Variants in DUSP13B observed in about 807,000 individuals in gnomAD.
The protein encoded by DUSP13B is dual specificity protein phosphatase 13B.
the DUSP13B span, among the ~76,000 whole-genome samples, chr10:75,096,656 G>T: frequency 6.6e-6 from 1 of 152,126 alleles, no homozygotes; most frequent in African/African-American, 2.4e-5. Flanking sequence ...GGCTGAGGTG[G>T]GAGAATTGCT....
At chr10:75,095,745 A>G in the DUSP13B span, 1 of 1,614,174 alleles carries the variant, frequency 6.2e-7, no homozygotes, top group Non-Finnish European at 8.5e-7. Flanking sequence ...GGCATTCACA[A>G]CGTGGGTGAT....
At chr10:75,101,775 C>G in the DUSP13B span, 1 of 866,248 alleles carries the variant, frequency 1.2e-6, no homozygotes. Flanking sequence ...AACCCCACCC[C>G]TCCCCACACA....
the DUSP13B span, chr10:75,108,135 A>C: frequency 6.2e-7 from 1 of 1,613,544 alleles, no homozygotes; most frequent in Non-Finnish European, 8.5e-7. Flanking sequence ...CTGACAGTAG[A>C]GGCCCTTGTG....
chr10:75,105,969 A>T, the DUSP13B span: 42 of 1,103,046 alleles, frequency 3.8e-5, no homozygotes, highest in South Asian at 6.3e-4. Context: ...CCTTGGGTGC[A>T]CTCTGTGATC....
At chr10:75,101,506 T>A in the DUSP13B span, among the ~76,000 whole-genome samples, 1 of 152,194 alleles carries the variant, frequency 6.6e-6, no homozygotes, top group South Asian at 2.1e-4. Context: ...TTAGCACTCA[T>A]CAAGGATGTA....
chr10:75,104,040 G>A, the DUSP13B span: 1 of 1,363,468 alleles, frequency 7.3e-7, no homozygotes, highest in South Asian at 1.1e-5. Context: ...AGCACCAGCA[G>A]GATCAGTGCC....
the DUSP13B span, chr10:75,095,554 A>G: frequency 2.5e-6 from 4 of 1,608,348 alleles, no homozygotes; most frequent in Admixed American, 1.7e-5. Flanking sequence ...ACCCTCCACC[A>G]TGCCTGATCC....
At chr10:75,105,763 G>T in the DUSP13B span, 2 of 1,552,764 alleles carry the variant, frequency 1.3e-6, no homozygotes, top group South Asian at 2.4e-5. Flanking sequence ...CTGCCTCACG[G>T]TGATCACCGC....
the DUSP13B span, chr10:75,105,646 C>T: frequency 6.3e-4 from 980 of 1,546,106 alleles, 4 homozygotes; most frequent in Middle Eastern, 3.4e-3. Flanking sequence ...CCAGCTTTGC[C>T]CCCTGAGGCC....
At chr10:75,095,584 C>T in the DUSP13B span, 7 of 1,613,996 alleles carry the variant, frequency 4.3e-6, no homozygotes, top group Non-Finnish European at 5.1e-6. Flanking sequence ...CCTTGGGGAA[C>T]ACTGAGGGCA....
chr10:75,103,932 G>T, the DUSP13B span: 2 of 1,317,262 alleles, frequency 1.5e-6, no homozygotes, highest in Non-Finnish European at 2.0e-6. Flanking sequence ...GGGGGTGTAG[G>T]CGCCAGGAGG....
the DUSP13B span, chr10:75,108,418 G>A: frequency 1.2e-6 from 1 of 863,288 alleles, no homozygotes; most frequent in Non-Finnish European, 1.7e-6. Flanking sequence ...TGTGTCGGGG[G>A]ATCTTTAGAC....
the DUSP13B span, chr10:75,105,720 C>G: frequency 6.4e-7 from 1 of 1,554,024 alleles, no homozygotes; most frequent in South Asian, 1.2e-5. Context: ...AGAGCTGGTG[C>G]AGGAAGCCTC....
chr10:75,094,616 T>C, the DUSP13B span: 1 of 1,576,884 alleles, frequency 6.3e-7, no homozygotes, highest in Admixed American at 1.7e-5. Context: ...GAGCCTGCTG[T>C]TCCCAGGGCC....
chr10:75,094,993 A>C, the DUSP13B span: 3 of 947,032 alleles, frequency 3.2e-6, no homozygotes, highest in Non-Finnish European at 4.7e-6. Flanking sequence ...GACACTGTCT[A>C]CTCTGTCAAA....
chr10:75,099,784 C>T, the DUSP13B span: 1 of 203,604 alleles, frequency 4.9e-6, no homozygotes, highest in African/African-American at 2.3e-5. Context: ...AGCACTCTGC[C>T]ATAACTCATT....
the DUSP13B span, chr10:75,095,618 C>T: frequency 1.9e-6 from 3 of 1,614,082 alleles, no homozygotes; most frequent in Non-Finnish European, 1.7e-6. Flanking sequence ...GAGCAACAGG[C>T]AGAAAGTAGA....
the DUSP13B span, chr10:75,095,845 T>C: frequency 1.3e-6 from 2 of 1,566,946 alleles, no homozygotes; most frequent in Non-Finnish European, 1.8e-6. Context: ...GATCTCACTG[T>C]GGCAGCTCTG....
the DUSP13B span, among the ~76,000 whole-genome samples, chr10:75,106,105 T>TC: frequency 0.23 from 32,801 of 140,980 alleles, 3,792 homozygotes; most frequent in East Asian, 0.56. Context: ...TCTTTTCTTT[T>TC]TTTTTTTTTT....
Sources: allele counts gnomAD v4.1 joint callset (sites outside exome capture counted in the v4.1 genomes callset), GRCh38; gene constraint gnomAD v4.1.1; transcripts MANE v1.5; gene names NCBI Gene and HGNC (gene_info 2026-07-23, HGNC 2026-07-21).